The following MED14 variants were observed in gnomAD, a reference collection of about 807,000 sequenced individuals.
MED14 encodes the protein mediator of RNA polymerase II transcription subunit 14.
A neutral mutation model predicts 109.0 loss-of-function variants in MED14; 8 were observed. The observed-to-expected ratio is 0.07, with a 90% CI of 0.04 to 0.13. The LOEUF (loss-of-function observed/expected upper bound fraction) is 0.13, where lower values mean the gene tolerates loss of function less well. Ranked by LOEUF, MED14 falls within the 10% of genes least tolerant of loss-of-function variation. MED14 has a pLI of 1.00. For missense variants in MED14, 711 were observed against 1,142.4 expected (o/e 0.62, Z 5.44); for synonymous variants, 399 against 408.7 (o/e 0.98, Z 0.29).
intron 21 of MED14, among the ~76,000 whole-genome samples, chrX:40,679,205 C>T (rs1246305507): frequency 1.8e-5 from 2 of 111,894 alleles, no homozygotes; most frequent in Non-Finnish European, 3.8e-5. Context: ...CAGGACCTTA[C>T]ATTTTTTAAA....
intron 30 of MED14, 77 bp downstream of exon 30, chrX:40,654,287 G>GA: frequency 1.1e-6 from 1 of 927,263 alleles, no homozygotes; most frequent in East Asian, 3.1e-5. Context: ...AGGGAGAAGA[G>GA]AAGAGGAGAA....
chrX:40,664,762 GTATGCTACTA>G (rs898261623), intron 24 of MED14, among the ~76,000 whole-genome samples: 6 of 111,779 alleles, frequency 5.4e-5, no homozygotes, highest in African/African-American at 2.0e-4. Context: ...ATGTAACAAT[GTATGCTACTA>G]TATGCATTAA....
intron 21 of MED14, among the ~76,000 whole-genome samples, chrX:40,677,581 T>A (rs1457310907): frequency 9.0e-6 from 1 of 110,518 alleles, no homozygotes. Flanking sequence ...TTTGAAAAAA[T>A]TTTTTAAAGA....
At chrX:40,735,951 T>G (rs1348603669), upstream of MED14, 5 of 247,824 alleles carry the variant, frequency 2.0e-5, no homozygotes, top group African/African-American at 5.9e-5. Context: ...ACGTCAGCAG[T>G]TGCCCCGCCC....
chrX:40,707,107 GGATAGATAGATAGATAGATAGATA>G (rs544581828), intron 10 of MED14, among the ~76,000 whole-genome samples: 1 of 101,327 alleles, frequency 9.9e-6, no homozygotes, highest in Admixed American at 1.1e-4. Context: ...ATACATAGAT[GGATAGATAGATAGATAGATAGATA>G]GATAGATAGA....
chrX:40,699,456 T>TTAGATA (rs1930842263), intron 12 of MED14, among the ~76,000 whole-genome samples: 1 of 112,211 alleles, frequency 8.9e-6, no homozygotes, highest in Admixed American at 9.4e-5. Context: ...GATAGATTAG[T>TTAGATA]GATAAACTGG....
chrX:40,708,551 C>T (rs940827112), intron 10 of MED14, among the ~76,000 whole-genome samples: 1 of 112,105 alleles, frequency 8.9e-6, no homozygotes, highest in Non-Finnish European at 1.9e-5. Context: ...TTATAAGGCA[C>T]TTCACTTACG....
chrX:40,662,144 G>A (rs978631563), intron 26 of MED14, among the ~76,000 whole-genome samples: 2 of 112,223 alleles, frequency 1.8e-5, no homozygotes, highest in African/African-American at 6.5e-5. Context: ...GGGATTATAG[G>A]CGTGAGCCAC....
intron 26 of MED14, 83 bp downstream of exon 26, chrX:40,662,842 G>T: frequency 1.4e-6 from 1 of 696,214 alleles, no homozygotes; most frequent in Non-Finnish European, 2.2e-6. Flanking sequence ...GGAATGTCAC[G>T]TTAGTTCAGA....
chrX:40,677,959 A>ACCT (rs1377262427), intron 21 of MED14, among the ~76,000 whole-genome samples: 4 of 111,908 alleles, frequency 3.6e-5, no homozygotes, highest in African/African-American at 1.3e-4. Context: ...AATGATTGCA[A>ACCT]CCTAGAGTTC....
At chrX:40,656,874 G>A (rs1008791631) in intron 28 of MED14, among the ~76,000 whole-genome samples, 2 of 112,314 alleles carry the variant, frequency 1.8e-5, no homozygotes, top group African/African-American at 6.5e-5. Flanking sequence ...AATACTGGGG[G>A]TGGAAAGGCA....
At chrX:40,680,163 C>T (rs377601020) in intron 20 of MED14, 30 bp from the exon 21 acceptor site, 3 of 1,190,732 alleles carry the variant, frequency 2.5e-6, no homozygotes, top group Non-Finnish European at 2.3e-6. Flanking sequence ...TGAGAGCAGC[C>T]AGTTTCTGTA....
intron 3 of MED14, among the ~76,000 whole-genome samples, chrX:40,720,950 C>G (rs952251997): frequency 2.7e-5 from 3 of 109,991 alleles, no homozygotes; most frequent in African/African-American, 9.9e-5. Context: ...GGATTCATCG[C>G]CTGCTGAATA....
At chrX:40,724,900 T>C (rs902141326) in intron 3 of MED14, among the ~76,000 whole-genome samples, 4 of 110,149 alleles carry the variant, frequency 3.6e-5, no homozygotes, top group African/African-American at 9.9e-5. Flanking sequence ...ATGAACAAAA[T>C]TGACAAACCT....
At chrX:40,721,943 A>T (rs1931735718) in intron 3 of MED14, among the ~76,000 whole-genome samples, 1 of 112,289 alleles carries the variant, frequency 8.9e-6, no homozygotes, top group Non-Finnish European at 1.9e-5. Context: ...CCACAGCATT[A>T]TTGAGCTTGG....
intron 12 of MED14, among the ~76,000 whole-genome samples, chrX:40,700,928 AAAGCTGAGTGTTATGCCCTTCACAC>A (rs1930913853): frequency 9.0e-6 from 1 of 111,659 alleles, no homozygotes; most frequent in Non-Finnish European, 1.9e-5. Flanking sequence ...GTAAGGGATG[AAAGCTGAGTGTTATGCCCTTCACAC>A]CTATATTTGC....
At chrX:40,692,601 G>A (rs931594341) in intron 14 of MED14, 107 bp downstream of exon 14, 47 of 768,462 alleles carry the variant, frequency 6.1e-5, no homozygotes, top group Non-Finnish European at 8.6e-5. Context: ...TTGCTGCCTC[G>A]TCTCTTAAAA....
At chrX:40,693,304 T>A (rs1023545072) in intron 13 of MED14, among the ~76,000 whole-genome samples, 1 of 111,758 alleles carries the variant, frequency 8.9e-6, no homozygotes, top group South Asian at 3.7e-4. Flanking sequence ...GTAATTCCCA[T>A]GTGTTGTGGG....
intron 16 of MED14, among the ~76,000 whole-genome samples, chrX:40,684,885 T>C (rs768693050): frequency 8.9e-6 from 1 of 111,871 alleles, no homozygotes; most frequent in South Asian, 3.7e-4. Context: ...GTGATGCAGA[T>C]ACAATGAGCT....
Sources: allele counts gnomAD v4.1 joint callset (sites outside exome capture counted in the v4.1 genomes callset), GRCh38; gene constraint gnomAD v4.1.1; transcripts MANE v1.5; gene names NCBI Gene and HGNC (gene_info 2026-07-23, HGNC 2026-07-21).